The following KIRREL3 variants were observed in gnomAD, a reference collection of about 807,000 sequenced individuals.
KIRREL3 encodes kin of IRRE-like protein 3.
Under a neutral mutation model 89.7 loss-of-function variants are expected in KIRREL3, and 36 were observed. That is an observed-to-expected ratio of 0.40 (90% CI 0.31 to 0.53). The LOEUF is 0.53. Among genes scored for constraint, KIRREL3 ranks in the 20% least tolerant of loss-of-function variants. KIRREL3 has a pLI of 0.49. For missense variants in KIRREL3, 864 were observed against 1,056.6 expected (o/e 0.82, Z 2.53); for synonymous variants, 445 against 441.4 (o/e 1.01, Z -0.10).
chr11:126,578,445 T>G lies in KIRREL3; in HGVS notation c.56-15533A>C, dbSNP rs1460964892. On this transcript the variant is annotated intron_variant, in intron 1 of 16. Coordinates refer to ENST00000525144, the MANE Select transcript of KIRREL3 (RefSeq NM_032531.4). This position sits in a 1 kb window ranked among gnomAD's most constrained non-coding sequence, Gnocchi z 4.9. ...CTTGGCGTGAACTTCCACATGAACG[T>G]GACTCCGTGCCTACCTGCTAATAAG... 1.3e-5 allele frequency among the ~76,000 whole-genome samples: 2 copies of G among 152,192 alleles called. No individual in the cohort carries two copies. Among genetic ancestry groups the G allele is most frequent in the Non-Finnish European group, 2.9e-5 (2 of 68,030 alleles).
At position 126,736,849 on chromosome 11, in the gene KIRREL3, C is replaced by T. The variant is rs555973803; in HGVS notation, c.56-173937G>A. On this transcript the variant is annotated intron_variant, in intron 1 of 16. Coordinates refer to ENST00000525144, the MANE Select transcript of KIRREL3 (RefSeq NM_032531.4). This position sits in a 1 kb window ranked among gnomAD's most constrained non-coding sequence, Gnocchi z 5.0. ...CCATACATCCCCCACAGTCCTCCCC[C>T]ACCCTGTGCTGCCCAGGAAAAAGAG... Among the ~76,000 whole-genome samples the T allele has an allele frequency of 3.3e-5, 5 of 152,310 alleles. No individual in the cohort carries two copies. In the South Asian group the frequency reaches 8.3e-4, roughly 25 times the overall value.
At chr11:126,716,514 C>A (rs981094401) in intron 1 of KIRREL3, among the ~76,000 whole-genome samples, 1 of 152,020 alleles carries the variant, frequency 6.6e-6, no homozygotes, top group Non-Finnish European at 1.5e-5. Context: ...TCAGCCACAT[C>A]CCAGGGAAAC....
chr11:126,470,507 G>A (rs1956856974), intron 5 of KIRREL3, among the ~76,000 whole-genome samples: 1 of 152,192 alleles, frequency 6.6e-6, no homozygotes, highest in African/African-American at 2.4e-5. Flanking sequence ...CTTGGCAGGT[G>A]GTCAGTTTGG....
chr11:126,424,751 G>A lies in KIRREL3; in HGVS notation c.2166C>T (p.Phe722=), dbSNP rs1285258449. 1.1e-5 allele frequency: 17 copies of A among 1,614,080 alleles called. No individual in the cohort carries two copies. Among genetic ancestry groups the A allele is most frequent in the Middle Eastern group, 1.6e-4 (1 of 6,062 alleles). The change falls in exon 17 of 17, where the codon TTC becomes TTT. Residue 722 remains phenylalanine (F), a synonymous_variant. Coordinates refer to ENST00000525144, the MANE Select transcript of KIRREL3 (RefSeq NM_032531.4). ...QRGSLSDSSS[F]LDTQCDSSVS... ...CGCTGCTGTCACACTGCGTGTCCAGGAAGGAGCTGCTGTCGCTGAGGGAGC... is the reference window on the plus strand; with the variant it reads ...CGCTGCTGTCACACTGCGTGTCCAGAAAGGAGCTGCTGTCGCTGAGGGAGC...
In KIRREL3 at chr11:126,903,923, A is replaced by T. The variant is rs1371132537; in HGVS notation, c.55+96532T>A. Reference sequence around the variant, plus strand: ...ATTAGCTTCAGGTGCCCAACAATGAAAGTAATCCCTTGGTTCACCCTGGAA... The same window carrying T: ...ATTAGCTTCAGGTGCCCAACAATGATAGTAATCCCTTGGTTCACCCTGGAA... On this transcript the variant is annotated intron_variant, in intron 1 of 16. Coordinates refer to ENST00000525144, the MANE Select transcript of KIRREL3 (RefSeq NM_032531.4). The surrounding 1 kb of genome is among the most constrained non-coding windows in gnomAD (Gnocchi z 4.5). Among the ~76,000 whole-genome samples the T allele has an allele frequency of 6.6e-6, 1 of 152,106 alleles. No individual in the cohort carries two copies. The highest frequency in any genetic ancestry group is 6.5e-5 in the Admixed American group (1 of 15,278).
intron 1 of KIRREL3, among the ~76,000 whole-genome samples, chr11:126,937,836 T>C (rs1207988997): frequency 6.6e-6 from 1 of 152,124 alleles, no homozygotes; most frequent in Non-Finnish European, 1.5e-5. Flanking sequence ...GAGGCGGAGC[T>C]TGCAGTGAGC....
At chr11:126,804,460 T>G (rs1376285768) in intron 1 of KIRREL3, among the ~76,000 whole-genome samples, 3 of 152,186 alleles carry the variant, frequency 2.0e-5, no homozygotes, top group Non-Finnish European at 4.4e-5. Context: ...ATGGTAAATC[T>G]CCTCTTGTTT....
chr11:126,853,894 T>A (rs1333096852), intron 1 of KIRREL3, among the ~76,000 whole-genome samples: 1 of 152,142 alleles, frequency 6.6e-6, no homozygotes, highest in Admixed American at 6.6e-5. Flanking sequence ...GTTAATGATA[T>A]TAATAGTGGG....
chr11:126,539,761 A>G lies in KIRREL3; in HGVS notation c.134-13074T>C, dbSNP rs77456478. 9.6e-3 allele frequency among the ~76,000 whole-genome samples: 1,469 copies of G among 152,282 alleles called. 36 individuals carry two copies. The highest frequency in any genetic ancestry group is 0.034 in the African/African-American group (1,399 of 41,556). Reference sequence around the variant, plus strand: ...TGCTGTCCCAGATGTAGTTGGGTCAATGGTTCTGGAGCTGGGAAGGAGGTG... The same window carrying G: ...TGCTGTCCCAGATGTAGTTGGGTCAGTGGTTCTGGAGCTGGGAAGGAGGTG... On this transcript the variant is annotated intron_variant, in intron 2 of 16. Coordinates refer to ENST00000525144, the MANE Select transcript of KIRREL3 (RefSeq NM_032531.4).
chr11:126,901,855 A>G (rs1946384529), intron 1 of KIRREL3, among the ~76,000 whole-genome samples: 1 of 152,212 alleles, frequency 6.6e-6, no homozygotes, highest in African/African-American at 2.4e-5. Flanking sequence ...CCTCCTTGAA[A>G]CAAAGAAACA....
In KIRREL3 at chr11:126,978,311, G is replaced by A. The variant is rs583795; in HGVS notation, c.55+22144C>T. On this transcript the variant is annotated intron_variant, in intron 1 of 16. Transcript: ENST00000525144. The surrounding 1 kb of genome is among the most constrained non-coding windows in gnomAD (Gnocchi z 4.2). ...AGATCTGTCCTCCCCTGTGGTGGGC[G>A]TGTTCTTCACCTTCCCTTCAAACTT... Among the ~76,000 whole-genome samples the A allele has an allele frequency of 0.12, 18,763 of 152,076 alleles. 1,353 individuals are homozygous for A. Among genetic ancestry groups the A allele is most frequent in the Middle Eastern group, 0.21 (61 of 294 alleles).
chr11:126,613,870 G>A (rs950845401), intron 1 of KIRREL3, among the ~76,000 whole-genome samples: 2 of 40,380 alleles, frequency 5.0e-5, no homozygotes, highest in African/African-American at 1.8e-4. Context: ...TAATACTGTT[G>A]CTTTTTTTTT....
intron 1 of KIRREL3, among the ~76,000 whole-genome samples, chr11:126,793,267 T>C (rs1279311130): frequency 2.0e-5 from 3 of 152,188 alleles, no homozygotes; most frequent in Non-Finnish European, 4.4e-5. Flanking sequence ...GGCTTTCTTG[T>C]TGTATTCACT....
At chr11:126,787,227 C>G (rs1950512141) in intron 1 of KIRREL3, among the ~76,000 whole-genome samples, 1 of 152,164 alleles carries the variant, frequency 6.6e-6, no homozygotes, top group Non-Finnish European at 1.5e-5. Context: ...TGTATTTTCT[C>G]TTCCCCTATG....
At chr11:126,660,847 T>C (rs532765454) in intron 1 of KIRREL3, among the ~76,000 whole-genome samples, 1 of 152,252 alleles carries the variant, frequency 6.6e-6, no homozygotes, top group African/African-American at 2.4e-5. Flanking sequence ...GGCTGTATAT[T>C]AACACCATCC....
chr11:126,739,148 C>G lies in KIRREL3; in HGVS notation c.56-176236G>C, dbSNP rs77754684. ...GATGGAAACTCCAATCCAGACTGTTCTGGCTCCAAAGCCAAACCCTTCCAC... is the reference window on the plus strand; with the variant it reads ...GATGGAAACTCCAATCCAGACTGTTGTGGCTCCAAAGCCAAACCCTTCCAC... On this transcript the variant is annotated intron_variant, in intron 1 of 16. Coordinates refer to ENST00000525144, the MANE Select transcript of KIRREL3 (RefSeq NM_032531.4). The surrounding 1 kb of genome is among the most constrained non-coding windows in gnomAD (Gnocchi z 5.5). Among the ~76,000 whole-genome samples, 3 of 152,212 alleles carry G rather than the reference C, an allele frequency of 2.0e-5. No homozygotes were observed. The highest frequency in any genetic ancestry group is 4.4e-5 in the Non-Finnish European group (3 of 68,036).
chr11:126,942,736 T>C lies in KIRREL3; in HGVS notation c.55+57719A>G, dbSNP rs558585414. The stretch of plus-strand genomic sequence containing the variant: ...TGCTGGCCTTCTCCCCTGCACTCTT[T>C]GTGTGGCCACTCCAAGAGTAGATGC... On this transcript the variant is annotated intron_variant, in intron 1 of 16. Coordinates refer to ENST00000525144, the MANE Select transcript of KIRREL3 (RefSeq NM_032531.4). Among the ~76,000 whole-genome samples, 35 of 152,350 alleles carry C rather than the reference T, an allele frequency of 2.3e-4. No homozygotes were observed. In the East Asian group the frequency reaches 3.5e-3, roughly 15 times the overall value.
At chr11:126,832,327 C>T (rs1302697412) in intron 1 of KIRREL3, among the ~76,000 whole-genome samples, 3 of 152,084 alleles carry the variant, frequency 2.0e-5, no homozygotes, top group African/African-American at 4.8e-5. Context: ...AAGTGAATCG[C>T]TCACAATGAT....
rs1316051535 is a variant in KIRREL3 at position 126,877,572 on chromosome 11, A to G, written c.55+122883T>C. 1.3e-5 allele frequency among the ~76,000 whole-genome samples: 2 copies of G among 152,252 alleles called. No individual in the cohort carries two copies. The highest frequency in any genetic ancestry group is 1.5e-5 in the Non-Finnish European group (1 of 68,052). On this transcript the variant is annotated intron_variant, in intron 1 of 16. Transcript: ENST00000525144. The surrounding 1 kb of genome is among the most constrained non-coding windows in gnomAD (Gnocchi z 4.9). ...GAAATTCATTATATTTAGAGCTAAA[A>G]TAATTCCAGAATCAATTGACGTAGA... is the stretch of plus-strand genomic sequence containing the variant.
Sources: allele counts gnomAD v4.1 joint callset (sites outside exome capture counted in the v4.1 genomes callset), GRCh38; gene constraint gnomAD v4.1.1; non-coding constraint Gnocchi (gnomAD v3.1); transcripts MANE v1.5; gene names NCBI Gene and HGNC (gene_info 2026-07-23, HGNC 2026-07-21).